FGF13: variants seen among roughly 807,000 people sequenced by gnomAD.
The protein encoded by FGF13 is fibroblast growth factor homologous factor 2.
Under a neutral mutation model 19.5 loss-of-function variants are expected in FGF13, and 2 were observed. The observed-to-expected ratio is 0.10, with a 90% CI of 0.04 to 0.32. The LOEUF is 0.32. Ranked by LOEUF, FGF13 falls within the 10% of genes least tolerant of loss-of-function variation. FGF13 has a pLI of 1.00. For synonymous variants in FGF13, 72 were observed against 76.9 expected, an observed-to-expected ratio of 0.94 and a Z score of 0.33; for missense variants, 113 against 192.7, an observed-to-expected ratio of 0.59 and a Z score of 2.45.
chrX:138,861,881 T>C (rs1449374169), intron 2 of FGF13, among the ~76,000 whole-genome samples: 1 of 111,204 alleles, frequency 9.0e-6, no homozygotes, highest in Non-Finnish European at 1.9e-5. Context: ...CACACGCCTG[T>C]AATCCCAGCT....
downstream of FGF13, among the ~76,000 whole-genome samples, chrX:138,857,017 T>A (rs2091261542): frequency 8.9e-6 from 1 of 112,182 alleles, no homozygotes; most frequent in African/African-American, 3.2e-5. Flanking sequence ...GCGTGCATTA[T>A]ACAGGTAATC....
chrX:139,091,972 C>A (rs2083442452), intron 1 of FGF13, among the ~76,000 whole-genome samples: 1 of 110,357 alleles, frequency 9.1e-6, no homozygotes, highest in African/African-American at 3.3e-5. Context: ...TACCTGGCAC[C>A]ACTTTATGTT....
intron 1 of FGF13, among the ~76,000 whole-genome samples, chrX:139,064,227 T>C (rs183895847): frequency 1.8e-5 from 2 of 109,182 alleles, no homozygotes; most frequent in East Asian, 5.7e-4. Context: ...TTCTCTGTCA[T>C]TATGTTTTAG....
At chrX:138,868,738 G>A (rs1160589706) in intron 1 of FGF13, among the ~76,000 whole-genome samples, 6 of 110,612 alleles carry the variant, frequency 5.4e-5, no homozygotes, top group African/African-American at 2.0e-4. Flanking sequence ...CACATGGCAT[G>A]CTGGAAGAGC....
At chrX:138,854,029 G>T (rs2091242555), downstream of FGF13, among the ~76,000 whole-genome samples, 1 of 111,677 alleles carries the variant, frequency 9.0e-6, no homozygotes, top group African/African-American at 3.2e-5. Context: ...GTGAACAAAA[G>T]AATAAAGCTA....
At chrX:138,649,057 T>C (rs1221369195) in intron 3 of FGF13, among the ~76,000 whole-genome samples, 1 of 111,831 alleles carries the variant, frequency 8.9e-6, no homozygotes, top group Non-Finnish European at 1.9e-5. Flanking sequence ...GGGCTAAAAC[T>C]TTAAATGTCC....
chrX:138,904,775 G>A (rs114299242), intron 1 of FGF13, among the ~76,000 whole-genome samples: 3,014 of 111,291 alleles, frequency 0.027, 103 homozygotes, highest in African/African-American at 0.094. Flanking sequence ...TTGGGAAAAG[G>A]GACATGCGCG....
chrX:138,864,792 T>C (rs1277611674), intron 1 of FGF13: 3 of 112,693 alleles, frequency 2.7e-5, no homozygotes, highest in Admixed American at 1.9e-4. Flanking sequence ...AAGAAAGATA[T>C]GGTAAGACTA....
intron 1 of FGF13, among the ~76,000 whole-genome samples, chrX:139,086,561 A>G (rs985779349): frequency 1.8e-5 from 2 of 111,863 alleles, no homozygotes; most frequent in Non-Finnish European, 3.8e-5. Flanking sequence ...AATATTCCCA[A>G]TGCAATAAAA....
At chrX:138,740,588 A>G (rs766708474), upstream of FGF13, among the ~76,000 whole-genome samples, 1 of 111,537 alleles carries the variant, frequency 9.0e-6, no homozygotes, top group East Asian at 2.9e-4. Flanking sequence ...TAGGCAGAGG[A>G]TGGAGAAAAT....
intron 3 of FGF13, among the ~76,000 whole-genome samples, chrX:138,753,884 C>A (rs2090414818): frequency 8.9e-6 from 1 of 112,063 alleles, no homozygotes; most frequent in Non-Finnish European, 1.9e-5. Context: ...CTTTACTGAA[C>A]TGGTTGTGTC....
At chrX:138,765,432 C>T (rs2090495752) in intron 3 of FGF13, among the ~76,000 whole-genome samples, 1 of 111,687 alleles carries the variant, frequency 9.0e-6, no homozygotes, top group African/African-American at 3.3e-5. Context: ...ACATAGAAAG[C>T]TAGACTCACT....
At chrX:138,659,932 G>A (rs757548624) in intron 3 of FGF13, among the ~76,000 whole-genome samples, 2 of 110,985 alleles carry the variant, frequency 1.8e-5, no homozygotes, top group Non-Finnish European at 1.9e-5. Context: ...AGGGGAGGGA[G>A]AGCTTTAGGA....
intron 1 of FGF13, among the ~76,000 whole-genome samples, chrX:139,043,864 C>T (rs2092278489): frequency 1.8e-5 from 2 of 112,107 alleles, no homozygotes; most frequent in African/African-American, 6.5e-5. Context: ...GAAAGCCAGA[C>T]ACACAAGGCA....
At chrX:139,100,652 A>C (rs919378055) in intron 1 of FGF13, among the ~76,000 whole-genome samples, 1 of 111,969 alleles carries the variant, frequency 8.9e-6, no homozygotes, top group Non-Finnish European at 1.9e-5. Flanking sequence ...GGAAACCTGC[A>C]AATGATAGGA....
At chrX:139,142,930 T>C (rs2148240981) in intron 1 of FGF13, among the ~76,000 whole-genome samples, 1 of 111,863 alleles carries the variant, frequency 8.9e-6, no homozygotes, top group East Asian at 2.8e-4. Context: ...GGTTGATATG[T>C]CATCATCCAC....
At chrX:138,780,049 A>G (rs1449513125) in intron 3 of FGF13, among the ~76,000 whole-genome samples, 1 of 102,835 alleles carries the variant, frequency 9.7e-6, no homozygotes, top group African/African-American at 3.6e-5. Flanking sequence ...CCAGAATTTC[A>G]TATCCAGCCA....
chrX:138,982,509 T>A (rs1331205040), intron 1 of FGF13, among the ~76,000 whole-genome samples: 3 of 111,808 alleles, frequency 2.7e-5, no homozygotes, highest in African/African-American at 9.8e-5. Context: ...TTATTACTAG[T>A]GGGGGAAAAC....
chrX:139,004,074 G>GGGGTGGTGCTCGTC (rs1202522858), intron 1 of FGF13, among the ~76,000 whole-genome samples: 1 of 112,703 alleles, frequency 8.9e-6, no homozygotes, highest in Non-Finnish European at 1.9e-5. Flanking sequence ...TGTGGAGCAG[G>GGGGTGGTGCTCGTC]GGGTGGTGCT....
Sources: allele counts gnomAD v4.1 joint callset (sites outside exome capture counted in the v4.1 genomes callset), GRCh38; gene constraint gnomAD v4.1.1; transcripts MANE v1.5; gene names NCBI Gene and HGNC (gene_info 2026-07-23, HGNC 2026-07-21).